XKR6: variants seen among roughly 807,000 people sequenced by gnomAD.
XKR6 encodes the protein XK related 6.
Under a neutral mutation model 56.7 loss-of-function variants are expected in XKR6, and 22 were observed. The ratio of observed to expected loss-of-function variants is 0.39; its 90% CI spans 0.28 to 0.55. The LOEUF is 0.55. Among genes scored for constraint, XKR6 ranks in the 20% least tolerant of loss-of-function variants. The pLI, the probability that XKR6 is intolerant of heterozygous loss-of-function variation, is 0.66. For synonymous variants in XKR6, 524 were observed against 387.8 expected (o/e 1.35, Z -4.13); for missense variants, 852 against 889.0 (o/e 0.96, Z 0.53).
At chr8:11,168,174 T>G (rs73530548) in intron 1 of XKR6, among the ~76,000 whole-genome samples, 9,310 of 152,216 alleles carry the variant, frequency 0.061, 570 homozygotes, top group African/African-American at 0.16. Context: ...GGAAAAAGTA[T>G]AGCCCATTCA....
At chr8:11,099,831 A>G (rs1456045439) in intron 1 of XKR6, among the ~76,000 whole-genome samples, 1 of 152,168 alleles carries the variant, frequency 6.6e-6, no homozygotes, top group Non-Finnish European at 1.5e-5. Context: ...AAGGGAGACC[A>G]TGGCAGAGGT....
intron 1 of XKR6, among the ~76,000 whole-genome samples, chr8:10,982,412 G>A (rs1239458420): frequency 1.3e-5 from 2 of 152,164 alleles, no homozygotes; most frequent in South Asian, 2.1e-4. Flanking sequence ...CTGGGCTTCA[G>A]GTCCCACCTC....
chr8:11,111,040 G>T (rs6981201), intron 1 of XKR6, among the ~76,000 whole-genome samples: 1 of 136,448 alleles, frequency 7.3e-6, no homozygotes, highest in African/African-American at 2.7e-5. Flanking sequence ...TTTTTTAGTA[G>T]AGACAGGGTT....
At chr8:11,034,976 C>T (rs1799099936) in intron 1 of XKR6, among the ~76,000 whole-genome samples, 1 of 152,224 alleles carries the variant, frequency 6.6e-6, no homozygotes, top group African/African-American at 2.4e-5. Context: ...TGTGGGACTG[C>T]CAGACTGCCA....
At chr8:10,926,959 A>G (rs982493060) in intron 1 of XKR6, among the ~76,000 whole-genome samples, 3 of 152,234 alleles carry the variant, frequency 2.0e-5, no homozygotes, top group Non-Finnish European at 4.4e-5. Context: ...ATAGACAGTG[A>G]GACAGACACA....
intron 1 of XKR6, among the ~76,000 whole-genome samples, chr8:11,126,886 C>T (rs1390836138): frequency 1.3e-5 from 2 of 152,146 alleles, no homozygotes; most frequent in Non-Finnish European, 2.9e-5. Flanking sequence ...ACCAAAGGGA[C>T]CCAGATGATG....
chr8:11,107,185 A>C (rs557981301), intron 1 of XKR6, among the ~76,000 whole-genome samples: 38 of 150,786 alleles, frequency 2.5e-4, no homozygotes, highest in Admixed American at 1.1e-3. Flanking sequence ...ACGGATAAAC[A>C]GGATTCCAAT....
At position 11,116,523 on chromosome 8, in the gene XKR6, G is replaced by A. The variant is rs140098090; in HGVS notation, c.764+84053C>T. Among the ~76,000 whole-genome samples the A allele has an allele frequency of 4.2e-4, 64 of 152,034 alleles. 1 individual carries two copies. The East Asian group carries it at 0.012, about 28-fold the overall frequency. On this transcript the variant is annotated intron_variant, in intron 1 of 2. Coordinates refer to ENST00000416569, the MANE Select transcript of XKR6 (RefSeq NM_173683.4). ...GTACCTGGGATTACAGGGGCCCATCGCCACACCTGGCTAATTTTTGCATTT... is the reference window on the plus strand; with the variant it reads ...GTACCTGGGATTACAGGGGCCCATCACCACACCTGGCTAATTTTTGCATTT...
intron 1 of XKR6, among the ~76,000 whole-genome samples, chr8:10,940,535 T>G (rs544021358): frequency 4.1e-4 from 62 of 152,336 alleles, no homozygotes; most frequent in South Asian, 1.7e-3. Flanking sequence ...AGCAGAAGGC[T>G]GAGTTCCGCA....
At chr8:11,040,919 G>A (rs1041265404) in intron 1 of XKR6, among the ~76,000 whole-genome samples, 13 of 152,162 alleles carry the variant, frequency 8.5e-5, no homozygotes, top group African/African-American at 3.1e-4. Flanking sequence ...TTGGGGGCCT[G>A]AAGAAGACTC....
intron 1 of XKR6, among the ~76,000 whole-genome samples, chr8:10,954,589 T>C (rs1330475759): frequency 6.6e-6 from 1 of 152,200 alleles, no homozygotes; most frequent in Non-Finnish European, 1.5e-5. Flanking sequence ...ACACATATTT[T>C]CTCTCATTCT....
chr8:10,908,704 TC>T (rs1257501467), intron 2 of XKR6, among the ~76,000 whole-genome samples: 3 of 152,062 alleles, frequency 2.0e-5, no homozygotes, highest in African/African-American at 7.2e-5. Flanking sequence ...TTTGAATGTG[TC>T]CCCCAAAAAT....
At chr8:11,005,267 T>C (rs1053864944) in intron 1 of XKR6, among the ~76,000 whole-genome samples, 3 of 152,154 alleles carry the variant, frequency 2.0e-5, no homozygotes, top group Non-Finnish European at 4.4e-5. Context: ...TTGTTTATTT[T>C]CAGAATTTCC....
At chr8:10,997,292 T>A (rs1798136091) in intron 1 of XKR6, among the ~76,000 whole-genome samples, 1 of 152,224 alleles carries the variant, frequency 6.6e-6, no homozygotes, top group African/African-American at 2.4e-5. Context: ...GAACTTGACC[T>A]GTTTTAACTC....
chr8:10,961,030 G>A (rs1193872872), intron 1 of XKR6, among the ~76,000 whole-genome samples: 2 of 152,186 alleles, frequency 1.3e-5, no homozygotes, highest in Non-Finnish European at 2.9e-5. Flanking sequence ...GCCAGGCAAA[G>A]ATCGAGGGGC....
At chr8:10,912,200 G>GGT (rs1167960524) in intron 2 of XKR6, among the ~76,000 whole-genome samples, 2 of 142,516 alleles carry the variant, frequency 1.4e-5, no homozygotes, top group East Asian at 2.2e-4. Flanking sequence ...AGAGTGGGAT[G>GGT]GTGTGTGTGT....
At chr8:10,955,308 G>A (rs867125463) in intron 1 of XKR6, among the ~76,000 whole-genome samples, 14 of 152,160 alleles carry the variant, frequency 9.2e-5, no homozygotes, top group African/African-American at 3.1e-4. Flanking sequence ...GAATAAGTGG[G>A]ATTATAGGTG....
intron 1 of XKR6, among the ~76,000 whole-genome samples, chr8:10,966,826 G>C (rs1020112824): frequency 4.2e-4 from 64 of 152,330 alleles, no homozygotes; most frequent in African/African-American, 1.5e-3. Context: ...TGACGTCTGA[G>C]AAGCCGTGGT....
chr8:10,969,661 T>C (rs1044347851), intron 1 of XKR6, among the ~76,000 whole-genome samples: 1 of 152,204 alleles, frequency 6.6e-6, no homozygotes, highest in Non-Finnish European at 1.5e-5. Context: ...GAGCACAGCC[T>C]AGAGACAAAC....
Sources: allele counts gnomAD v4.1 joint callset (sites outside exome capture counted in the v4.1 genomes callset), GRCh38; gene constraint gnomAD v4.1.1; transcripts MANE v1.5; gene names NCBI Gene and HGNC (gene_info 2026-07-23, HGNC 2026-07-21).